The following CKLF variants were observed in gnomAD, a reference collection of about 807,000 sequenced individuals.
The protein encoded by CKLF is chemokine-like factor.
A neutral mutation model predicts 12.9 loss-of-function variants in CKLF; 16 were observed. The ratio of observed to expected loss-of-function variants is 1.24; its 90% CI spans 0.84 to 1.88. The LOEUF (loss-of-function observed/expected upper bound fraction) is 1.88. Among genes scored for constraint, CKLF ranks in the 40% most tolerant of loss-of-function variants. The pLI, the probability that CKLF is intolerant of heterozygous loss-of-function variation, is 0.00. For synonymous variants in CKLF, 61 were observed against 69.0 expected, an observed-to-expected ratio of 0.88 and a Z score of 0.57; for missense variants, 172 against 188.5, an observed-to-expected ratio of 0.91 and a Z score of 0.51.
intron 2 of CKLF, among the ~76,000 whole-genome samples, chr16:66,560,020 T>C (rs187685079): frequency 9.2e-5 from 14 of 152,272 alleles, no homozygotes; most frequent in African/African-American, 2.9e-4. Context: ...ATGAGAGATA[T>C]ACACCTAGGA....
chr16:66,565,981 G>T lies in CKLF; in HGVS notation c.429G>T (p.Lys143Asn), dbSNP rs1005916131. ...LFNPSGPYQK[K>N]PVHEKKEVL ...ATCCCAGCGGTCCTTACCAGAAAAAGCCTGTGCATGAAAAAAAAGAAGTTT... is the reference window on the plus strand; with the variant it reads ...ATCCCAGCGGTCCTTACCAGAAAAATCCTGTGCATGAAAAAAAAGAAGTTT... Residue 143 changes from lysine to asparagine, a missense_variant, in exon 4 of 4, where the codon AAG becomes AAT. By Grantham distance (94) the Lys-to-Asn change is moderately conservative. Coordinates refer to ENST00000264001, the MANE Select transcript of CKLF (RefSeq NM_016951.4). 6.2e-7 allele frequency: 1 copy of T among 1,612,578 alleles called. No individual in the cohort carries two copies. Among genetic ancestry groups the T allele is most frequent in the Non-Finnish European group, 8.5e-7 (1 of 1,178,834 alleles).
chr16:66,562,414 C>G (rs539448020), intron 2 of CKLF, among the ~76,000 whole-genome samples: 12 of 152,122 alleles, frequency 7.9e-5, no homozygotes, highest in African/African-American at 2.9e-4. Flanking sequence ...CATTTTCTTA[C>G]GTTATTAAAA....
intron 1 of CKLF, among the ~76,000 whole-genome samples, chr16:66,555,308 G>T (rs2011392412): frequency 6.6e-6 from 1 of 152,198 alleles, no homozygotes; most frequent in South Asian, 2.1e-4. Flanking sequence ...GGGGATTGCT[G>T]CAGGGGCAAA....
intron 2 of CKLF, among the ~76,000 whole-genome samples, chr16:66,559,263 C>T (rs1413599195): frequency 6.6e-6 from 1 of 152,174 alleles, no homozygotes; most frequent in African/African-American, 2.4e-5. Context: ...ATAAGCATGC[C>T]TTTAAATGGT....
chr16:66,564,469 CTTT>C (rs552824877), intron 3 of CKLF, among the ~76,000 whole-genome samples: 2 of 142,650 alleles, frequency 1.4e-5, no homozygotes. Context: ...TTATTTTTTT[CTTT>C]TTTTTTTTTT....
intron 1 of CKLF, among the ~76,000 whole-genome samples, chr16:66,553,857 G>T (rs1271890316): frequency 6.6e-6 from 1 of 152,148 alleles, no homozygotes; most frequent in Non-Finnish European, 1.5e-5. Flanking sequence ...TGAACAAAGT[G>T]CATATAAGAT....
At chr16:66,557,709 A>G (rs941605498) in intron 1 of CKLF, among the ~76,000 whole-genome samples, 13 of 152,226 alleles carry the variant, frequency 8.5e-5, no homozygotes, top group African/African-American at 2.9e-4. Flanking sequence ...AAAAGAACAC[A>G]ACTGAGATGT....
At chr16:66,555,569 A>C (rs529404725) in intron 1 of CKLF, among the ~76,000 whole-genome samples, 36 of 152,320 alleles carry the variant, frequency 2.4e-4, no homozygotes, top group African/African-American at 6.7e-4. Flanking sequence ...TTGATAAAGC[A>C]AATGTGAAAA....
intron 2 of CKLF, among the ~76,000 whole-genome samples, chr16:66,560,808 C>CAT (rs994811989): frequency 3.4e-5 from 5 of 148,526 alleles, no homozygotes; most frequent in Admixed American, 1.3e-4. Flanking sequence ...TACACACACA[C>CAT]ACACACACAC....
intron 1 of CKLF, among the ~76,000 whole-genome samples, chr16:66,554,827 C>T (rs1053623933): frequency 6.6e-6 from 1 of 152,104 alleles, no homozygotes. Flanking sequence ...GGCCTTATGG[C>T]AGGAATGTGT....
At chr16:66,565,383 T>C (rs1567366855) in intron 3 of CKLF, among the ~76,000 whole-genome samples, 1 of 152,248 alleles carries the variant, frequency 6.6e-6, no homozygotes, top group Non-Finnish European at 1.5e-5. Context: ...TAAGCAGATG[T>C]AGCCTAGCCT....
At chr16:66,558,515 GTC>G in intron 2 of CKLF, 167 bp downstream of exon 2, 2 of 934,690 alleles carry the variant, frequency 2.1e-6, no homozygotes, top group Non-Finnish European at 3.0e-6. Flanking sequence ...TTGGGAGAGG[GTC>G]TCAAGGATGC....
chr16:66,565,778 C>T (rs2012220211), intron 3 of CKLF, 108 bp from the exon 4 acceptor site: 1 of 977,706 alleles, frequency 1.0e-6, no homozygotes, highest in East Asian at 2.4e-5. Context: ...GGGAGCAATC[C>T]GAGTACCCTA....
At chr16:66,556,154 C>G (rs994388062) in intron 1 of CKLF, among the ~76,000 whole-genome samples, 5 of 151,720 alleles carry the variant, frequency 3.3e-5, no homozygotes, top group Non-Finnish European at 7.4e-5. Context: ...GAAGAACCCA[C>G]CAAGAGAGAA....
chr16:66,553,922 T>C (rs1183998007), intron 1 of CKLF, among the ~76,000 whole-genome samples: 2 of 152,140 alleles, frequency 1.3e-5, no homozygotes, highest in Admixed American at 6.5e-5. Flanking sequence ...ATCATGTAAG[T>C]TGAGATACAT....
At chr16:66,560,143 A>T (rs968784837) in intron 2 of CKLF, among the ~76,000 whole-genome samples, 3 of 152,170 alleles carry the variant, frequency 2.0e-5, no homozygotes, top group Non-Finnish European at 2.9e-5. Context: ...TGACTGATAC[A>T]GGGAAGGGAA....
intron 2 of CKLF, among the ~76,000 whole-genome samples, chr16:66,561,966 G>A (rs1028771598): frequency 2.0e-5 from 3 of 152,138 alleles, no homozygotes; most frequent in South Asian, 2.1e-4. Flanking sequence ...AGTATTAAGC[G>A]AATGAGCTAT....
intron 2 of CKLF, among the ~76,000 whole-genome samples, chr16:66,561,575 G>C (rs953146109): frequency 6.6e-6 from 1 of 152,100 alleles, no homozygotes; most frequent in Non-Finnish European, 1.5e-5. Context: ...ACAGGAGGCA[G>C]GCTGCCTGTC....
chr16:66,564,972 A>G (rs2012101453), intron 3 of CKLF, among the ~76,000 whole-genome samples: 1 of 152,196 alleles, frequency 6.6e-6, no homozygotes, highest in Non-Finnish European at 1.5e-5. Flanking sequence ...TGCATGGTGC[A>G]GAAAAGAGGA....
Sources: gnomAD v4.1 joint callset for allele counts (sites outside exome capture counted in the v4.1 genomes callset) on GRCh38, gnomAD v4.1.1 for gene constraint, MANE v1.5 for transcripts, NCBI Gene and HGNC (gene_info 2026-07-23, HGNC 2026-07-21) for gene names.